Variants in NUP50 observed in about 807,000 individuals in gnomAD.
NUP50 encodes the protein nucleoporin 50.
NUP50 carries 14 observed loss-of-function variants against 36.8 expected under a neutral mutation model. That is an observed-to-expected ratio of 0.38 (90% CI 0.25 to 0.59). The LOEUF (loss-of-function observed/expected upper bound fraction) is 0.59, where lower values mean the gene tolerates loss of function less well. Ranked by LOEUF, NUP50 falls within the 20% of genes least tolerant of loss-of-function variation. The probability of loss-of-function intolerance (pLI) is 0.63; values close to 1 mark genes in which losing one functional copy is unlikely to be tolerated. For missense variants in NUP50, 455 were observed against 564.6 expected, an observed-to-expected ratio of 0.81 and a Z score of 1.97; for synonymous variants, 195 against 210.8, an observed-to-expected ratio of 0.93 and a Z score of 0.65.
At position 45,185,214 on chromosome 22, in the gene NUP50, C is replaced by T. The variant is rs550816782; in HGVS notation, c.*559C>T. 2 of 156,494 alleles carry T rather than the reference C, an allele frequency of 1.3e-5. No individual in the cohort carries two copies. The highest frequency in any genetic ancestry group is 6.1e-5 in the Admixed American group (1 of 16,284). The allele number at this position is 156,494 out of a possible 1,614,324, so 9.7% of individuals were successfully genotyped here. On this transcript the variant is annotated 3_prime_UTR_variant, in exon 8 of 8. Coordinates refer to ENST00000347635, the MANE Select transcript of NUP50 (RefSeq NM_007172.4). ...TGCGAGTACTAAGTGTTCACCTCAGCGTTCGAATCATTGGCCTGTAACCCT... is the reference window on the plus strand; with the variant it reads ...TGCGAGTACTAAGTGTTCACCTCAGTGTTCGAATCATTGGCCTGTAACCCT...
chr22:45,168,193 G>A lies in NUP50; in HGVS notation c.16G>A (p.Ala6Thr). Reference sequence around the variant, plus strand: ...GTTCGAAAACATGGCCAAAAGAAATGCCGAGAAGGAACTGACAGATAGGAA... The same window carrying A: ...GTTCGAAAACATGGCCAAAAGAAATACCGAGAAGGAACTGACAGATAGGAA... The part of the protein sequence containing the change: MAKRN[A>T]EKELTDRNWD... Residue 6 changes from alanine (A) to threonine (T), a missense_variant, in exon 2 of 8, where the codon GCC (alanine) becomes ACC (threonine). Around this residue, in one of 3 missense-constraint regions of NUP50, gnomAD observed 166 missense variants for 202.8 expected, o/e 0.82. Transcript: ENST00000347635. 2 of 1,611,302 alleles carry A rather than the reference G, an allele frequency of 1.2e-6. No homozygotes were observed. Among genetic ancestry groups the A allele is most frequent in the Non-Finnish European group, 1.7e-6 (2 of 1,179,156 alleles).
intron 2 of NUP50, 126 bp downstream of exon 2, chr22:45,168,372 G>A (rs2074128309): frequency 1.5e-6 from 1 of 661,980 alleles, no homozygotes; most frequent in Non-Finnish European, 2.7e-6. Context: ...AATGGGAGAT[G>A]ACAAGAAATT....
Position 45,185,816 on chromosome 22 carries a change from G to C in NUP50, c.*1161G>C, listed in dbSNP as rs117394653. On this transcript the variant is annotated 3_prime_UTR_variant, in exon 8 of 8. Coordinates refer to ENST00000347635, the MANE Select transcript of NUP50 (RefSeq NM_007172.4). ...GTAACTAACACGAGCATTCTTTGAA[G>C]ACTCTGGGCACATGAATGATACACA... 2.0e-5 allele frequency: 3 copies of C among 151,976 alleles called. No homozygotes were observed. The highest frequency in any genetic ancestry group is 2.9e-5 in the Non-Finnish European group (2 of 68,008). The allele number at this position is 151,976 out of a possible 1,614,324, so 9.4% of individuals were successfully genotyped here. A position where few individuals can be genotyped will look rare whatever the true frequency, so the allele number is the denominator to read the frequency against.
At chr22:45,173,722 G>A (rs1429626630) in intron 3 of NUP50, among the ~76,000 whole-genome samples, 2 of 152,160 alleles carry the variant, frequency 1.3e-5, no homozygotes, top group East Asian at 1.9e-4. Context: ...CCATTCTGAA[G>A]GAGGGGCAGT....
At position 45,178,573 on chromosome 22, in the gene NUP50, G is replaced by A; in HGVS notation, c.676G>A (p.Gly226Ser). 1 of 1,611,800 alleles carries A rather than the reference G, an allele frequency of 6.2e-7. No individual in the cohort carries two copies. ...TGAAACACAGTCTCCTTCCCTTTTTGGCTCAACAAAATTACAGCAAGAGTC... is the reference window on the plus strand; with the variant it reads ...TGAAACACAGTCTCCTTCCCTTTTTAGCTCAACAAAATTACAGCAAGAGTC... ...AAETQSPSLFGSTKLQQESTF... is the reference protein window; with the variant it reads ...AAETQSPSLFSSTKLQQESTF... Residue 226 changes from glycine (G) to serine (S), a missense_variant, in exon 5 of 8, where the codon GGC (glycine) becomes AGC (serine). This residue lies in a region of NUP50 where 287 missense variants were observed against 345.5 expected (regional missense o/e 0.83). Transcript: ENST00000347635.
chr22:45,170,339 ACACCC>A (rs1335317689), intron 2 of NUP50, among the ~76,000 whole-genome samples: 1 of 141,526 alleles, frequency 7.1e-6, no homozygotes, highest in Admixed American at 7.0e-5. Context: ...TTCGAGGAGA[ACACCC>A]GCAAAGCCCA....
chr22:45,181,923 C>T (rs170508), intron 6 of NUP50, among the ~76,000 whole-genome samples: 135,253 of 152,282 alleles, frequency 0.89, 60,116 homozygotes, highest in East Asian at 1. Context: ...GAAAAAACAT[C>T]TGTGCCATTT....
In NUP50 at chr22:45,184,540, A is replaced by G. The variant is rs780063982; in HGVS notation, c.1292A>G (p.Asn431Ser). The change falls in exon 8 of 8, where the codon AAT (asparagine) becomes AGT (serine). Residue 431 changes from asparagine to serine, a missense_variant. Physicochemically the swap from Asn to Ser is conservative, Grantham distance 46 (BLOSUM62 1). Coordinates refer to ENST00000347635, the MANE Select transcript of NUP50 (RefSeq NM_007172.4). Reference sequence around the variant, plus strand: ...AACGTTCTTATCGTCTGTGTTCCAAATCCACCAATTGACGAGAAGAATGCC... The same window carrying G: ...AACGTTCTTATCGTCTGTGTTCCAAGTCCACCAATTGACGAGAAGAATGCC... ...KNNVLIVCVPNPPIDEKNATM... is the reference protein window; with the variant it reads ...KNNVLIVCVPSPPIDEKNATM... The G allele has an allele frequency of 6.2e-7, 1 of 1,613,328 alleles. No individual in the cohort carries two copies. The highest frequency in any genetic ancestry group is 8.5e-7 in the Non-Finnish European group (1 of 1,179,276).
intron 6 of NUP50, 129 bp downstream of exon 6, chr22:45,181,496 TGG>T: frequency 3.3e-6 from 2 of 613,970 alleles, no homozygotes; most frequent in Non-Finnish European, 2.8e-6. Flanking sequence ...TGCTCTCAAG[TGG>T]AACAGGAAAG....
chr22:45,164,593 T>TCGGGCGCACGGGC (rs1224403117), intron 1 of NUP50: 2 of 140,846 alleles, frequency 1.4e-5, no homozygotes, highest in Admixed American at 7.1e-5. Context: ...GGAGCCTGGG[T>TCGGGCGCACGGGC]CGGGCGCACG....
intron 2 of NUP50, among the ~76,000 whole-genome samples, chr22:45,170,379 C>A (rs1307457904): frequency 6.6e-6 from 1 of 152,118 alleles, no homozygotes; most frequent in African/African-American, 2.4e-5. Flanking sequence ...TACAGTCGTA[C>A]CTTATCAGCA....
Position 45,183,441 on chromosome 22 carries a change from G to C in NUP50, c.1125G>C (p.Glu375Asp), listed in dbSNP as rs1414042380. 1 of 1,609,382 alleles carries C rather than the reference G, an allele frequency of 6.2e-7. No individual in the cohort carries two copies. Among genetic ancestry groups the C allele is most frequent in the East Asian group, 2.2e-5 (1 of 44,860 alleles). The change falls in exon 7 of 8, where the codon GAG becomes GAC. Residue 375 changes from glutamate to aspartate, a missense_variant. Glu to Asp is a conservative substitution (Grantham distance 45, BLOSUM62 2). Around this residue, in one of 3 missense-constraint regions of NUP50, gnomAD observed 287 missense variants for 345.5 expected, o/e 0.83. Transcript: ENST00000347635. ...ACAAGAAAGACAATGAGTTTAAAGA[G>C]AAAGGCATAGGTACTCTGCATTTAA... The part of the protein sequence containing the change: ...LFYKKDNEFK[E>D]KGIGTLHLKP...
intron 2 of NUP50, chr22:45,171,001 C>T (rs1337391486): frequency 7.7e-7 from 1 of 1,303,910 alleles, no homozygotes; most frequent in Admixed American, 2.3e-5. Context: ...AAAAGAAGGG[C>T]TATAAACTAA....
At chr22:45,180,184 A>G (rs758943488) in intron 5 of NUP50, 9 of 152,216 alleles carry the variant, frequency 5.9e-5, no homozygotes, top group Admixed American at 2.0e-4. Flanking sequence ...GATGCCCCTC[A>G]GTGAGCGCCT....
chr22:45,182,868 C>G (rs1349855892), intron 6 of NUP50, among the ~76,000 whole-genome samples: 1 of 151,892 alleles, frequency 6.6e-6, no homozygotes, highest in East Asian at 1.9e-4. Context: ...TCATGATCTG[C>G]CTGCCTCGGC....
chr22:45,167,159 A>G (rs931146772), intron 1 of NUP50, among the ~76,000 whole-genome samples: 1 of 151,976 alleles, frequency 6.6e-6, no homozygotes, highest in East Asian at 1.9e-4. Context: ...AGAGCAAACA[A>G]GAGTGGGGAG....
rs2083463038 is a variant in NUP50, at chr22:45,187,587, C to CA, written c.*2936dup. 6.6e-6 allele frequency: 1 copy of CA among 152,156 alleles called. No individual in the cohort carries two copies. Among genetic ancestry groups the CA allele is most frequent in the Non-Finnish European group, 1.5e-5 (1 of 68,026 alleles). The allele number at this position is 152,156 out of a possible 1,614,324, so 9.4% of individuals were successfully genotyped here. A position where few individuals can be genotyped will look rare whatever the true frequency, so the allele number is the denominator to read the frequency against. On this transcript the variant is annotated 3_prime_UTR_variant, in exon 8 of 8. Coordinates refer to ENST00000347635, the MANE Select transcript of NUP50 (RefSeq NM_007172.4). ...GTCAGTTATTCTATTTCAGAAGAGT[C>CA]AAAATTCAAGCACGATACATTTTGA... is the stretch of plus-strand genomic sequence containing the variant.
rs745332179 is a variant in NUP50, at chr22:45,181,311, G to A, written c.1029G>A (p.Glu343=). Residue 343 remains glutamate, a synonymous_variant, in exon 6 of 8, where the codon GAG becomes GAA. Coordinates refer to ENST00000347635, the MANE Select transcript of NUP50 (RefSeq NM_007172.4). ...CKGGDEEEND[E]PPKVVVTEVK... ...GTGGAGATGAAGAAGAGAATGATGA[G>A]CCACCCAAAGTAGTAGTTACCGAAG... 6.9e-6 allele frequency: 11 copies of A among 1,595,418 alleles called. No homozygotes were observed. Among genetic ancestry groups the A allele is most frequent in the Admixed American group, 3.7e-5 (2 of 53,892 alleles).
At chr22:45,172,552 T>TA (rs1341991542) in intron 3 of NUP50, among the ~76,000 whole-genome samples, 1 of 152,154 alleles carries the variant, frequency 6.6e-6, no homozygotes, top group Admixed American at 6.5e-5. Flanking sequence ...CGGAAATACT[T>TA]ACTTTCCTGA....
Sources: gnomAD v4.1 joint callset for allele counts (sites outside exome capture counted in the v4.1 genomes callset) on GRCh38, gnomAD v4.1.1 for gene constraint, gnomAD v4.1.1 regional missense constraint, MANE v1.5 for transcripts, NCBI Gene and HGNC (gene_info 2026-07-23, HGNC 2026-07-21) for gene names.